The following CEP250 variants were observed in gnomAD, a reference collection of about 807,000 sequenced individuals.
CEP250 encodes centrosome-associated protein CEP250.
A neutral mutation model predicts 315.7 loss-of-function variants in CEP250; 242 were observed. The observed-to-expected ratio is 0.77, with a 90% CI of 0.69 to 0.85. CEP250 has a LOEUF of 0.85. CEP250 is among the 40% of genes least tolerant of loss of function. The pLI is 0.00. For missense variants in CEP250, 2,515 were observed against 2,886.4 expected, an observed-to-expected ratio of 0.87 and a Z score of 2.95; for synonymous variants, 1,088 against 1,175.0, an observed-to-expected ratio of 0.93 and a Z score of 1.51.
chr20:35,511,316 A>G, intron 34 of CEP250, 47 bp from the exon 35 acceptor site: 2 of 1,499,920 alleles, frequency 1.3e-6, no homozygotes, highest in African/African-American at 1.4e-5. Context: ...GGACAACTTC[A>G]GGGCCCTCAG....
At chr20:35,465,441 TGAAA>T (rs1338162237) in intron 5 of CEP250, among the ~76,000 whole-genome samples, 2 of 133,728 alleles carry the variant, frequency 1.5e-5, no homozygotes, top group African/African-American at 6.5e-5. Flanking sequence ...AAAAAAAAAA[TGAAA>T]GAAGTTAAGT....
intron 27 of CEP250, among the ~76,000 whole-genome samples, chr20:35,499,002 C>T (rs554141278): frequency 6.6e-6 from 1 of 152,236 alleles, no homozygotes; most frequent in East Asian, 1.9e-4. Context: ...AGGCCAGGCA[C>T]GGTGGCTCAT....
chr20:35,495,151 G>A (rs1330952464), intron 24 of CEP250, among the ~76,000 whole-genome samples: 1 of 152,224 alleles, frequency 6.6e-6, no homozygotes, highest in Non-Finnish European at 1.5e-5. Flanking sequence ...AATATGCAAA[G>A]GCCGTGAGGC....
At chr20:35,462,224 A>G in intron 3 of CEP250, 41 bp from the exon 4 acceptor site, 1 of 621,854 alleles carries the variant, frequency 1.6e-6, no homozygotes, top group Non-Finnish European at 2.8e-6. Context: ...GTGTAGTAAA[A>G]GAACAGTCCT....
chr20:35,493,825 A>G lies in CEP250; in HGVS notation c.3033+253A>G, dbSNP rs190260838. On this transcript the variant is annotated intron_variant, in intron 23 of 34. Coordinates refer to ENST00000397527, the MANE Select transcript of CEP250 (RefSeq NM_007186.6). ...TGTTTTCCCTGGCTGTCTCAGTTTC[A>G]ATTGTTCTTTCCGTCCTTGCCAAAA... is the stretch of plus-strand genomic sequence containing the variant. Among the ~76,000 whole-genome samples the G allele has an allele frequency of 2.2e-3, 337 of 152,238 alleles. 1 individual carries two copies. The highest frequency in any genetic ancestry group is 4.1e-3 in the Non-Finnish European group (281 of 68,018).
At chr20:35,467,179 G>GGGCCCC in intron 8 of CEP250, 107 bp downstream of exon 8, 2 of 534,906 alleles carry the variant, frequency 3.7e-6, no homozygotes, top group Non-Finnish European at 7.1e-6. Context: ...GGTGGGTGGG[G>GGGCCCC]GAGTTGGTAG....
chr20:35,469,829 A>T, intron 9 of CEP250, 61 bp from the exon 10 acceptor site: 1 of 1,138,342 alleles, frequency 8.8e-7, no homozygotes, highest in Non-Finnish European at 1.3e-6. Context: ...GGTGTGCTGC[A>T]TCGTAGCTCT....
chr20:35,477,776 A>T, intron 16 of CEP250, 95 bp from the exon 17 acceptor site: 4 of 940,098 alleles, frequency 4.3e-6, no homozygotes, highest in African/African-American at 1.6e-5. Flanking sequence ...TGGAGAATAG[A>T]TTCATATCTC....
rs540401681 is a variant in CEP250 at position 35,479,556 on chromosome 20, C to T, written c.2289-90C>T. 12 of 1,557,640 alleles carry T rather than the reference C, an allele frequency of 7.7e-6. No individual in the cohort carries two copies. The East Asian group carries it at 2.7e-4, about 35-fold the overall frequency. On this transcript the variant is annotated intron_variant, in intron 18 of 34. Coordinates refer to ENST00000397527, the MANE Select transcript of CEP250 (RefSeq NM_007186.6). The stretch of plus-strand genomic sequence containing the variant: ...TTTATAATTGCCCCCCTAACTTCTC[C>T]AGGTAGCCAATACTTAGAACCCAGC...
At chr20:35,464,422 C>T (rs1447543921) in intron 5 of CEP250, among the ~76,000 whole-genome samples, 1 of 152,166 alleles carries the variant, frequency 6.6e-6, no homozygotes, top group Non-Finnish European at 1.5e-5. Context: ...GATCATCCCA[C>T]CTCAGCCTCC....
intron 24 of CEP250, 67 bp from the exon 25 acceptor site, chr20:35,496,510 T>TC: frequency 2.2e-6 from 3 of 1,353,126 alleles, no homozygotes; most frequent in Non-Finnish European, 3.1e-6. Flanking sequence ...TTTAGAATAC[T>TC]CAGATGAGAA....
At chr20:35,508,003 G>A (rs1276799973) in intron 31 of CEP250, 32 bp from the exon 32 acceptor site, 2 of 1,613,690 alleles carry the variant, frequency 1.2e-6, no homozygotes, top group Middle Eastern at 1.7e-4. Context: ...CTTAGGGGCT[G>A]CCCAGGTGAG....
Position 35,458,355 on chromosome 20 carries a change from T to C in CEP250, c.-246T>C, listed in dbSNP as rs2062678459. 1 of 152,240 alleles carries C rather than the reference T, an allele frequency of 6.6e-6. No individual in the cohort carries two copies. Among genetic ancestry groups the C allele is most frequent in the Non-Finnish European group, 1.5e-5 (1 of 68,048 alleles). 9.4% of individuals were successfully genotyped at this position (152,240 alleles called of 1,614,324 possible). On this transcript the variant is annotated 5_prime_UTR_variant, in exon 2 of 35. Coordinates refer to ENST00000397527, the MANE Select transcript of CEP250 (RefSeq NM_007186.6). Reference sequence around the variant, plus strand: ...TAAGGGTGCTGTCTTCCCTGTCTGATCCTTAGCAAAAGTAGGAAGGTAGGT... The same window carrying C: ...TAAGGGTGCTGTCTTCCCTGTCTGACCCTTAGCAAAAGTAGGAAGGTAGGT...
At chr20:35,464,752 CT>C (rs148256830) in intron 5 of CEP250, among the ~76,000 whole-genome samples, 19,178 of 151,880 alleles carry the variant, frequency 0.13, 1,419 homozygotes, top group African/African-American at 0.21. Flanking sequence ...GAAACCCCAT[CT>C]CTACTAAAAA....
chr20:35,468,121 G>A (rs1388228391), intron 9 of CEP250, among the ~76,000 whole-genome samples: 3 of 151,714 alleles, frequency 2.0e-5, no homozygotes, highest in African/African-American at 7.3e-5. Context: ...GCTAATGTTT[G>A]TATTTTTAGT....
chr20:35,470,078 A>G (rs2062988205), intron 10 of CEP250, 92 bp downstream of exon 10: 1 of 808,338 alleles, frequency 1.2e-6, no homozygotes, highest in African/African-American at 1.7e-5. Context: ...CCAGTTACAT[A>G]TTCCATGATG....
chr20:35,455,212 C>G (rs189502737), upstream of CEP250: 10 of 152,344 alleles, frequency 6.6e-5, no homozygotes, highest in Non-Finnish European at 1.3e-4. Context: ...GAGCAACTAG[C>G]CGGGCGTCTG....
intron 20 of CEP250, chr20:35,481,067 T>C (rs2063332345): frequency 6.6e-6 from 1 of 152,152 alleles, no homozygotes; most frequent in Admixed American, 6.6e-5. Context: ...ATATACTTAA[T>C]AAAATCTCAA....
chr20:35,493,674 G>A (rs1357079210), intron 23 of CEP250, 102 bp downstream of exon 23: 2 of 1,133,074 alleles, frequency 1.8e-6, no homozygotes, highest in African/African-American at 1.6e-5. Context: ...CCTGCTGCCT[G>A]GTTTGGGAGG....
Sources: gnomAD v4.1 joint callset for allele counts (sites outside exome capture counted in the v4.1 genomes callset) on GRCh38, gnomAD v4.1.1 for gene constraint, MANE v1.5 for transcripts, NCBI Gene and HGNC (gene_info 2026-07-23, HGNC 2026-07-21) for gene names.